The following STAG2 variants were observed in gnomAD, a reference collection of about 807,000 sequenced individuals.
STAG2 encodes STAG2 cohesin complex component.
In STAG2, 14 loss-of-function variants were observed where a neutral mutation model predicts 108.1. The ratio of observed to expected loss-of-function variants is 0.13; its 90% CI spans 0.09 to 0.20. The LOEUF (loss-of-function observed/expected upper bound fraction) is 0.20, where lower values mean the gene tolerates loss of function less well. Ranked by LOEUF, STAG2 falls within the 10% of genes least tolerant of loss-of-function variation. The pLI is 1.00. For synonymous variants in STAG2, 307 were observed against 302.7 expected, an observed-to-expected ratio of 1.01 and a Z score of -0.15; for missense variants, 440 against 940.9, an observed-to-expected ratio of 0.47 and a Z score of 6.96.
intron 5 of STAG2, among the ~76,000 whole-genome samples, chrX:124,035,054 G>A (rs941800950): frequency 9.1e-6 from 1 of 109,750 alleles, no homozygotes; most frequent in South Asian, 3.9e-4. Flanking sequence ...ATGCCACCAC[G>A]CCCAGCTAAT....
intron 13 of STAG2, among the ~76,000 whole-genome samples, chrX:124,053,364 G>A (rs995433577): frequency 1.8e-5 from 2 of 111,605 alleles, no homozygotes; most frequent in Non-Finnish European, 3.8e-5. Context: ...CTTGAATTTG[G>A]AAAGCTTACC....
chrX:124,099,336 A>G (rs1354734945), intron 34 of STAG2, among the ~76,000 whole-genome samples: 1 of 111,812 alleles, frequency 8.9e-6, no homozygotes, highest in Admixed American at 9.5e-5. Context: ...ACCGAGATTC[A>G]TAGAGTGTTA....
rs2059512570 is a variant in STAG2, at chrX:124,101,909, G to A, written c.*1312G>A. On this transcript the variant is annotated 3_prime_UTR_variant, in exon 35 of 35. Coordinates refer to ENST00000371145, the MANE Select transcript of STAG2 (RefSeq NM_001042750.2). ...TGCGAGGCTTAGGCAGCTAGACATC[G>A]TTTAAAACAAAATATTAACTTATAT... 6.2e-6 allele frequency: 1 copy of A among 160,815 alleles called. No homozygotes were observed. 13.3% of individuals were successfully genotyped at this position (160,815 alleles called of 1,213,427 possible). A position where few individuals can be genotyped will look rare whatever the true frequency, so the allele number is the denominator to read the frequency against.
chrX:124,072,904 CTTTT>C (rs779996801), intron 25 of STAG2, among the ~76,000 whole-genome samples: 2 of 72,693 alleles, frequency 2.8e-5, no homozygotes, highest in East Asian at 4.2e-4. Context: ...TTCTTTCTTT[CTTTT>C]TTTTTTTTTT....
chrX:124,032,828 G>A (rs1001525567), intron 5 of STAG2, among the ~76,000 whole-genome samples: 1 of 112,111 alleles, frequency 8.9e-6, no homozygotes, highest in African/African-American at 3.2e-5. Flanking sequence ...AATCAGTGAT[G>A]GGTGCACATG....
chrX:124,045,487 A>T, intron 8 of STAG2, 119 bp downstream of exon 8: 4 of 600,321 alleles, frequency 6.7e-6, no homozygotes, highest in Non-Finnish European at 1.0e-5. Flanking sequence ...AGTGACCACT[A>T]AGAGGACACT....
chrX:124,025,290 C>A (rs1021360350), intron 3 of STAG2, among the ~76,000 whole-genome samples: 2 of 111,707 alleles, frequency 1.8e-5, no homozygotes, highest in African/African-American at 6.5e-5. Flanking sequence ...TAGCATAATT[C>A]CCTAGTGTAT....
At chrX:124,008,567 C>T (rs927184898) in intron 1 of STAG2, among the ~76,000 whole-genome samples, 5 of 110,818 alleles carry the variant, frequency 4.5e-5, no homozygotes, top group African/African-American at 9.9e-5. Flanking sequence ...TAGTTTCAAA[C>T]GCTTGGGCTC....
At chrX:123,974,573 CCTT>C (rs1199918517) in intron 1 of STAG2, among the ~76,000 whole-genome samples, 4 of 95,422 alleles carry the variant, frequency 4.2e-5, no homozygotes, top group African/African-American at 7.9e-5. Context: ...AAGGTTGATA[CCTT>C]CTTTTTTTTT....
intron 17 of STAG2, among the ~76,000 whole-genome samples, chrX:124,062,353 C>G: frequency 1.8e-5 from 2 of 112,101 alleles, no homozygotes; most frequent in Non-Finnish European, 3.8e-5. Context: ...AAAATTCATT[C>G]TTATATTGTG....
At chrX:124,049,552 A>G (rs988680902) in intron 10 of STAG2, among the ~76,000 whole-genome samples, 3 of 112,093 alleles carry the variant, frequency 2.7e-5, no homozygotes, top group African/African-American at 9.7e-5. Context: ...ATTTTTATTC[A>G]GCTTCCACAT....
At chrX:124,084,111 A>G (rs1488967942) in intron 29 of STAG2, among the ~76,000 whole-genome samples, 2 of 111,982 alleles carry the variant, frequency 1.8e-5, no homozygotes, top group Non-Finnish European at 3.8e-5. Flanking sequence ...AAAATCTTCT[A>G]CCTTTCGCCA....
intron 29 of STAG2, among the ~76,000 whole-genome samples, chrX:124,084,471 A>T (rs1321408370): frequency 3.6e-5 from 4 of 110,420 alleles, no homozygotes; most frequent in Non-Finnish European, 5.7e-5. Flanking sequence ...GGCGTGCACC[A>T]CCATGCCCGG....
At chrX:124,007,442 T>C (rs1322281177) in intron 1 of STAG2, among the ~76,000 whole-genome samples, 1 of 106,849 alleles carries the variant, frequency 9.4e-6, no homozygotes, top group Non-Finnish European at 2.0e-5. Flanking sequence ...TGTACATGAT[T>C]AGGTTTTTTT....
intron 15 of STAG2, among the ~76,000 whole-genome samples, chrX:124,059,240 C>T (rs751633667): frequency 5.3e-5 from 6 of 112,183 alleles, no homozygotes; most frequent in African/African-American, 1.3e-4. Context: ...TCGCTTGAAC[C>T]GGGGAGGCAG....
chrX:124,043,779 T>TC (rs945101287), intron 7 of STAG2, among the ~76,000 whole-genome samples: 1 of 110,907 alleles, frequency 9.0e-6, no homozygotes, highest in Non-Finnish European at 1.9e-5. Context: ...GACTGAGTTG[T>TC]CCCCCCCTTA....
chrX:123,999,223 T>C (rs2055908018), intron 1 of STAG2, among the ~76,000 whole-genome samples: 1 of 112,286 alleles, frequency 8.9e-6, no homozygotes. Flanking sequence ...GACATTATTC[T>C]ATACATGTGC....
At position 124,022,523 on chromosome X, in the gene STAG2, T is replaced by C; in HGVS notation, c.-97-8T>C. The C allele has an allele frequency of 1.6e-6, 1 of 630,317 alleles. No individual in the cohort carries two copies. 51.9% of individuals were successfully genotyped at this position (630,317 alleles called of 1,213,427 possible). On this transcript the variant is annotated splice_polypyrimidine_tract_variant and splice_region_variant and intron_variant, in intron 2 of 34. Coordinates refer to ENST00000371145, the MANE Select transcript of STAG2 (RefSeq NM_001042750.2). Reference sequence around the variant, plus strand: ...TTTGTAATAAATGTCATTTTCTCCTTTTTAAAGGAATTGTCTTAGAAGAAA... The same window carrying C: ...TTTGTAATAAATGTCATTTTCTCCTCTTTAAAGGAATTGTCTTAGAAGAAA...
At chrX:124,045,656 A>C (rs1223162977) in intron 8 of STAG2, among the ~76,000 whole-genome samples, 1 of 111,349 alleles carries the variant, frequency 9.0e-6, no homozygotes, top group Non-Finnish European at 1.9e-5. Flanking sequence ...TGGGTTCTTG[A>C]AAAATACTAT....
Sources: allele counts gnomAD v4.1 joint callset (sites outside exome capture counted in the v4.1 genomes callset), GRCh38; gene constraint gnomAD v4.1.1; transcripts MANE v1.5; gene names NCBI Gene and HGNC (gene_info 2026-07-23, HGNC 2026-07-21).